PLCL1: variants seen among roughly 807,000 people sequenced by gnomAD.
PLCL1 encodes the protein inactive phospholipase C-like protein 1.
In PLCL1, 41 loss-of-function variants were observed where a neutral mutation model predicts 84.4. The ratio of observed to expected loss-of-function variants is 0.49; its 90% confidence interval spans 0.38 to 0.63. The LOEUF (loss-of-function observed/expected upper bound fraction) is 0.63, where lower values mean the gene tolerates loss of function less well. Among genes scored for constraint, PLCL1 ranks in the 30% least tolerant of loss-of-function variants. The pLI, the probability that PLCL1 is intolerant of heterozygous loss-of-function variation, is 0.00. For missense variants in PLCL1, 1,206 were observed against 1,367.8 expected, an observed-to-expected ratio of 0.88 and a Z score of 1.87; for synonymous variants, 490 against 488.3, an observed-to-expected ratio of 1.00 and a Z score of -0.05.
chr2:197,874,721 A>G (rs1687705377), intron 1 of PLCL1, among the ~76,000 whole-genome samples: 1 of 152,110 alleles, frequency 6.6e-6, no homozygotes, highest in Admixed American at 6.5e-5. Flanking sequence ...TTGGGATTCA[A>G]TTTGCATATG....
At chr2:197,840,690 G>C (rs1686979844) in intron 1 of PLCL1, among the ~76,000 whole-genome samples, 1 of 152,120 alleles carries the variant, frequency 6.6e-6, no homozygotes, top group Non-Finnish European at 1.5e-5. Context: ...AGTAAGGAAG[G>C]GCAGGGCAGA....
rs1487056329 is a variant in PLCL1 at position 197,897,103 on chromosome 2, T to TTCC, written c.240+91766_240+91767insCTC. On this transcript the variant is annotated intron_variant, in intron 1 of 5. Coordinates refer to ENST00000428675, the MANE Select transcript of PLCL1 (RefSeq NM_006226.4). ...TTGGGGATAGAAGTATGACTCCTTCTTCTTCTTCTTCTTCTTCTTCTTCTT... is the reference window on the plus strand; with the variant it reads ...TTGGGGATAGAAGTATGACTCCTTCTTCCTCTTCTTCTTCTTCTTCTTCTTCTT... Among the ~76,000 whole-genome samples the TTCC allele has an allele frequency of 2.9e-3, 109 of 37,840 alleles. 1 individual carries two copies. Among genetic ancestry groups the TTCC allele is most frequent in the African/African-American group, 0.013 (88 of 6,748 alleles). The allele number at this position is 37,840 out of a possible 152,430, so 24.8% of individuals were successfully genotyped here. A position where few individuals can be genotyped will look rare whatever the true frequency, so the allele number is the denominator to read the frequency against.
At chr2:198,067,675 C>G (rs1298044202) in intron 1 of PLCL1, among the ~76,000 whole-genome samples, 1 of 152,114 alleles carries the variant, frequency 6.6e-6, no homozygotes, top group East Asian at 1.9e-4. Context: ...CTAGAAATAC[C>G]TGGGTTTGGC....
chr2:197,999,307 A>G (rs956437448), intron 1 of PLCL1, among the ~76,000 whole-genome samples: 2 of 152,230 alleles, frequency 1.3e-5, no homozygotes, highest in Non-Finnish European at 2.9e-5. Context: ...TGTGATCTAC[A>G]TACAATCATT....
chr2:198,080,155 C>A (rs544652832), intron 1 of PLCL1, among the ~76,000 whole-genome samples: 4 of 152,194 alleles, frequency 2.6e-5, no homozygotes, highest in Non-Finnish European at 5.9e-5. Context: ...CTGGAGCACA[C>A]CTGAACTGAT....
At chr2:198,119,987 T>C (rs1693831789) in intron 5 of PLCL1, among the ~76,000 whole-genome samples, 1 of 152,018 alleles carries the variant, frequency 6.6e-6, no homozygotes, top group African/African-American at 2.4e-5. Context: ...TCACTGTAGA[T>C]GCCTGTGTAC....
intron 5 of PLCL1, among the ~76,000 whole-genome samples, chr2:198,113,616 C>T (rs949111901): frequency 5.9e-5 from 9 of 151,834 alleles, no homozygotes; most frequent in Admixed American, 5.3e-4. Flanking sequence ...AGTAAATATT[C>T]CAGCCTTTCA....
At chr2:197,866,559 A>G (rs1213701657) in intron 1 of PLCL1, among the ~76,000 whole-genome samples, 1 of 152,092 alleles carries the variant, frequency 6.6e-6, no homozygotes, top group East Asian at 1.9e-4. Context: ...TGATTTGCCC[A>G]TGGACAGCAG....
chr2:197,849,669 T>C (rs910194468), intron 1 of PLCL1, among the ~76,000 whole-genome samples: 3 of 152,024 alleles, frequency 2.0e-5, no homozygotes, highest in Non-Finnish European at 2.9e-5. Context: ...CTTAAAATGT[T>C]TTTTTTCTTG....
At chr2:198,137,239 G>C (rs903536434) in intron 5 of PLCL1, among the ~76,000 whole-genome samples, 1 of 152,060 alleles carries the variant, frequency 6.6e-6, no homozygotes, top group African/African-American at 2.4e-5. Context: ...CTTATTTCTC[G>C]TGTGAACCTG....
intron 1 of PLCL1, among the ~76,000 whole-genome samples, chr2:197,994,458 T>A (rs1690415204): frequency 6.6e-6 from 1 of 152,196 alleles, no homozygotes; most frequent in Admixed American, 6.5e-5. Context: ...GAAAGTCATC[T>A]GAGTCAGAAA....
chr2:197,878,266 G>A (rs1390082304), intron 1 of PLCL1, among the ~76,000 whole-genome samples: 1 of 152,194 alleles, frequency 6.6e-6, no homozygotes, highest in Non-Finnish European at 1.5e-5. Context: ...TGGACATTCT[G>A]TTTATTTTTC....
intron 1 of PLCL1, among the ~76,000 whole-genome samples, chr2:198,053,104 C>T (rs914982611): frequency 7.2e-5 from 11 of 152,084 alleles, no homozygotes; most frequent in South Asian, 2.1e-4. Flanking sequence ...CTTTGACCCT[C>T]GGTTTGGTAC....
chr2:197,886,666 C>A (rs1256740644), intron 1 of PLCL1, among the ~76,000 whole-genome samples: 1 of 151,968 alleles, frequency 6.6e-6, no homozygotes, highest in African/African-American at 2.4e-5. Context: ...CTTTCTAGGT[C>A]CCTGGGGGAA....
At chr2:198,055,404 T>A (rs1251890931) in intron 1 of PLCL1, among the ~76,000 whole-genome samples, 1 of 150,234 alleles carries the variant, frequency 6.7e-6, no homozygotes, top group African/African-American at 2.4e-5. Flanking sequence ...CTATTGCAGA[T>A]GTTCTTGGAG....
At chr2:197,969,982 T>A (rs1343901601) in intron 1 of PLCL1, among the ~76,000 whole-genome samples, 3 of 152,200 alleles carry the variant, frequency 2.0e-5, no homozygotes, top group Non-Finnish European at 2.9e-5. Context: ...ATAACCTGAC[T>A]TATTCTGACA....
rs757754761 is a variant in PLCL1, at chr2:198,084,414, C to G, written c.897C>G (p.Thr299=). 3.1e-6 allele frequency: 5 copies of G among 1,614,056 alleles called. No homozygotes were observed. Among genetic ancestry groups the G allele is most frequent in the Non-Finnish European group, 4.2e-6 (5 of 1,179,970 alleles). Reference sequence around the variant, plus strand: ...AGGAAAAACTAACCACCCGCGTGACCGAAGAGGAATTTTGTGAAGCTTTTT... The same window carrying G: ...AGGAAAAACTAACCACCCGCGTGACGGAAGAGGAATTTTGTGAAGCTTTTT... ...KSKEKLTTRV[T]EEEFCEAFCE... Residue 299 remains threonine (T), a synonymous_variant, in exon 2 of 6, where the codon ACC becomes ACG. Coordinates refer to ENST00000428675, the MANE Select transcript of PLCL1 (RefSeq NM_006226.4).
chr2:197,881,602 A>T (rs1408230556), intron 1 of PLCL1, among the ~76,000 whole-genome samples: 2 of 151,944 alleles, frequency 1.3e-5, no homozygotes, highest in Non-Finnish European at 2.9e-5. Flanking sequence ...CTTAACCTCT[A>T]GGCCTCAGAG....
chr2:198,085,236 T>C lies in PLCL1; in HGVS notation c.1719T>C (p.Asn573=). 6.2e-7 allele frequency: 1 copy of C among 1,613,978 alleles called. No homozygotes were observed. The highest frequency in any genetic ancestry group is 8.5e-7 in the Non-Finnish European group (1 of 1,179,952). Residue 573 remains asparagine, a synonymous_variant, in exon 2 of 6, where the codon AAT becomes AAC. Transcript: ENST00000428675. This position sits in a 1 kb window ranked among gnomAD's most constrained non-coding sequence, Gnocchi z 5.3. ...CTCGAAGGATGTCGGTAGATTACAA[T>C]GGTGAGCAGAAGCAAATCCGACTCT... ...EMSRRMSVDY[N]GEQKQIRLCR... is the part of the protein sequence containing the mutation.
Sources: allele counts gnomAD v4.1 joint callset (sites outside exome capture counted in the v4.1 genomes callset), GRCh38; gene constraint gnomAD v4.1.1; non-coding constraint Gnocchi (gnomAD v3.1); transcripts MANE v1.5; gene names NCBI Gene and HGNC (gene_info 2026-07-23, HGNC 2026-07-21).